The following ZNF624 variants were observed in gnomAD, a reference collection of about 807,000 sequenced individuals.
ZNF624 encodes the protein zinc finger protein 624.
ZNF624 carries 43 observed loss-of-function variants against 74.7 expected under a neutral mutation model. The observed-to-expected ratio is 0.58, with a 90% CI of 0.45 to 0.74. The LOEUF is 0.74. ZNF624 is among the 30% of genes least tolerant of loss of function. The pLI, the probability that ZNF624 is intolerant of heterozygous loss-of-function variation, is 0.00. For missense variants in ZNF624, 820 were observed against 1,030.0 expected, an observed-to-expected ratio of 0.80 and a Z score of 2.79; for synonymous variants, 331 against 341.3, an observed-to-expected ratio of 0.97 and a Z score of 0.33.
downstream of ZNF624, among the ~76,000 whole-genome samples, chr17:16,619,349 AGTT>A (rs910101457): frequency 3.3e-5 from 5 of 152,226 alleles, no homozygotes; most frequent in African/African-American, 9.6e-5. Flanking sequence ...CATAAAGAAA[AGTT>A]ATTATCAAAA....
downstream of ZNF624, among the ~76,000 whole-genome samples, chr17:16,619,212 CCATA>C (rs1908852142): frequency 6.6e-6 from 1 of 151,966 alleles, no homozygotes. Context: ...CTACTCCATA[CCATA>C]AATATTAATT....
chr17:16,616,058 T>C (rs193193353), downstream of ZNF624, among the ~76,000 whole-genome samples: 304 of 144,828 alleles, frequency 2.1e-3, 2 homozygotes, highest in African/African-American at 7.2e-3. Context: ...ATTAAAATAA[T>C]AGCATTTATA....
At chr17:16,647,900 A>T (rs1049376025) in intron 2 of ZNF624, among the ~76,000 whole-genome samples, 1 of 151,850 alleles carries the variant, frequency 6.6e-6, no homozygotes. Context: ...CTGTATCTCC[A>T]TGAGGGCCTT....
chr17:16,642,967 G>C (rs574321912), intron 3 of ZNF624, among the ~76,000 whole-genome samples: 8 of 152,306 alleles, frequency 5.3e-5, no homozygotes, highest in South Asian at 2.1e-4. Context: ...CTAAGATACA[G>C]TAAGCTACCA....
downstream of ZNF624, chr17:16,617,559 T>C: frequency 6.4e-7 from 1 of 1,568,130 alleles, no homozygotes; most frequent in Non-Finnish European, 8.8e-7. Flanking sequence ...GCCTGTATTC[T>C]GTACGAACAG....
chr17:16,645,558 T>C (rs1266273810), intron 3 of ZNF624, among the ~76,000 whole-genome samples: 1 of 151,854 alleles, frequency 6.6e-6, no homozygotes, highest in Non-Finnish European at 1.5e-5. Context: ...TGTTAGACGT[T>C]TGTACTAAAA....
chr17:16,652,562 CTT>C (rs1909751739), intron 1 of ZNF624, among the ~76,000 whole-genome samples: 1 of 130,968 alleles, frequency 7.6e-6, no homozygotes, highest in Admixed American at 7.6e-5. Context: ...CAATAAATCC[CTT>C]GTTTTATTTT....
At chr17:16,618,552 C>A (rs1255229792), downstream of ZNF624, among the ~76,000 whole-genome samples, 1 of 151,954 alleles carries the variant, frequency 6.6e-6, no homozygotes, top group African/African-American at 2.4e-5. Context: ...AAAATAGTGA[C>A]AATTTTGAAC....
intron 3 of ZNF624, among the ~76,000 whole-genome samples, chr17:16,646,071 G>A (rs1909587477): frequency 6.6e-6 from 1 of 151,056 alleles, no homozygotes; most frequent in South Asian, 2.1e-4. Flanking sequence ...TCTATTAAAA[G>A]TAAAATTAAA....
At chr17:16,617,668 C>T, downstream of ZNF624, 4 of 1,599,688 alleles carry the variant, frequency 2.5e-6, no homozygotes, top group Non-Finnish European at 2.6e-6. Context: ...CGACGCGGGC[C>T]CCGGGCGTGC....
At chr17:16,634,507 G>A in intron 4 of ZNF624, 123 bp downstream of exon 4, 2 of 1,026,090 alleles carry the variant, frequency 1.9e-6, no homozygotes, top group Admixed American at 2.4e-5. Context: ...GTGAGGAATA[G>A]CATAACCCAA....
rs531315219 is a variant in ZNF624 at position 16,647,219 on chromosome 17, C to G, written c.153+110G>C. 1.1e-4 allele frequency: 105 copies of G among 986,410 alleles called. No individual in the cohort carries two copies. The South Asian group carries it at 1.3e-3, about 12-fold the overall frequency. 61.1% of individuals were successfully genotyped at this position (986,410 alleles called of 1,614,324 possible). A position where few individuals can be genotyped will look rare whatever the true frequency, so the allele number is the denominator to read the frequency against. ...TGCCACCAGCCCTGGGGCTACCACA[C>G]CAATCAAATAATCATTGTGAACTTG... is the stretch of plus-strand genomic sequence containing the variant. On this transcript the variant is annotated intron_variant, in intron 3 of 5. Coordinates refer to ENST00000311331, the MANE Select transcript of ZNF624 (RefSeq NM_020787.4).
downstream of ZNF624, chr17:16,617,420 A>T: frequency 6.2e-7 from 1 of 1,613,006 alleles, no homozygotes; most frequent in Non-Finnish European, 8.5e-7. Context: ...TCAGAGTAGG[A>T]GCGAAACTCA....
chr17:16,646,204 C>T (rs1395447057), intron 3 of ZNF624, among the ~76,000 whole-genome samples: 1 of 151,986 alleles, frequency 6.6e-6, no homozygotes, highest in African/African-American at 2.4e-5. Context: ...AATTGTACAC[C>T]ATGTCAAAAA....
At chr17:16,639,300 T>C (rs1485495168) in intron 3 of ZNF624, among the ~76,000 whole-genome samples, 1 of 152,228 alleles carries the variant, frequency 6.6e-6, no homozygotes, top group African/African-American at 2.4e-5. Flanking sequence ...ACATGTCTTA[T>C]GTATATATAT....
chr17:16,641,600 A>G (rs1909469296), intron 3 of ZNF624, among the ~76,000 whole-genome samples: 2 of 152,208 alleles, frequency 1.3e-5, no homozygotes, highest in South Asian at 4.1e-4. Context: ...TCTCACTTCT[A>G]TTCAACATTA....
Position 16,624,257 on chromosome 17 carries a change from A to C in ZNF624, c.629T>G (p.Ile210Ser). ...QRGFRFESIL[I>S]PEPGIATEEL... ...TTCTGTGGCAATGCCTGGTTCTGGA[A>C]TAAGAATAGATTCAAATCTAAAGCC... The change falls in exon 6 of 6, where the codon ATT (isoleucine) becomes AGT (serine). Residue 210 changes from isoleucine to serine, a missense_variant. By Grantham distance (142) the Ile-to-Ser change is moderately radical. Transcript: ENST00000311331. 1 of 1,614,216 alleles carries C rather than the reference A, an allele frequency of 6.2e-7. No homozygotes were observed. Among genetic ancestry groups the C allele is most frequent in the Non-Finnish European group, 8.5e-7 (1 of 1,180,036 alleles).
chr17:16,650,160 AT>A lies in ZNF624; in HGVS notation c.-2-415del, dbSNP rs568197499. Among the ~76,000 whole-genome samples, 461 of 152,264 alleles carry A rather than the reference AT, an allele frequency of 3.0e-3. 6 individuals are homozygous for A. Among genetic ancestry groups the A allele is most frequent in the African/African-American group, 0.01 (436 of 41,530 alleles). On this transcript the variant is annotated intron_variant, in intron 1 of 5. Coordinates refer to ENST00000311331, the MANE Select transcript of ZNF624 (RefSeq NM_020787.4). The stretch of plus-strand genomic sequence containing the variant: ...CATGCTGTGTGAAGTACGAAAAAAA[AT>A]ACTTCAGTCTTTCTTTGCCACAATC...
At chr17:16,647,193 A>T in intron 3 of ZNF624, 136 bp downstream of exon 3, 1 of 744,986 alleles carries the variant, frequency 1.3e-6, no homozygotes. Context: ...TGTTAAATTG[A>T]TGCCACCAGC....
Sources: allele counts gnomAD v4.1 joint callset (sites outside exome capture counted in the v4.1 genomes callset), GRCh38; gene constraint gnomAD v4.1.1; transcripts MANE v1.5; gene names NCBI Gene and HGNC (gene_info 2026-07-23, HGNC 2026-07-21).